Variants in FER1L6 observed in about 807,000 individuals in gnomAD.
FER1L6 encodes the protein fer-1 like family member 6.
In FER1L6, 177 loss-of-function variants were observed where a neutral mutation model predicts 219.2. That is an observed-to-expected ratio of 0.81 (90% CI 0.71 to 0.91). FER1L6 has a LOEUF of 0.91. FER1L6 is among the 40% of genes least tolerant of loss of function. FER1L6 has a pLI of 0.00. For missense variants in FER1L6, 2,153 were observed against 2,259.9 expected (o/e 0.95, Z 0.96); for synonymous variants, 768 against 824.3 (o/e 0.93, Z 1.17).
chr8:123,854,605 C>T lies in FER1L6; in HGVS notation c.-8+2420C>T, dbSNP rs74597976. Among the ~76,000 whole-genome samples the T allele has an allele frequency of 6.4e-3, 978 of 152,220 alleles. 11 individuals carry two copies. Among genetic ancestry groups the T allele is most frequent in the African/African-American group, 0.022 (929 of 41,526 alleles). On this transcript the variant is annotated intron_variant, in intron 1 of 40. Coordinates refer to ENST00000522917, the MANE Select transcript of FER1L6 (RefSeq NM_001039112.2). Reference sequence around the variant, plus strand: ...CAGGAATGTGAATAGAACAGGGGACCGAAGGGTATCTTCTGTCCCTTTATT... The same window carrying T: ...CAGGAATGTGAATAGAACAGGGGACTGAAGGGTATCTTCTGTCCCTTTATT...
intron 31 of FER1L6, among the ~76,000 whole-genome samples, chr8:124,073,749 C>T (rs1821170456): frequency 6.6e-6 from 1 of 152,060 alleles, no homozygotes; most frequent in Admixed American, 6.5e-5. Context: ...ATAAACAGTG[C>T]CATTGCTCTC....
chr8:124,032,448 C>T (rs1264129095), intron 18 of FER1L6, among the ~76,000 whole-genome samples: 1 of 151,406 alleles, frequency 6.6e-6, no homozygotes, highest in Non-Finnish European at 1.5e-5. Context: ...AAACACAGGC[C>T]CAGGCTCTGT....
intron 20 of FER1L6, among the ~76,000 whole-genome samples, chr8:124,043,944 C>T (rs1231635486): frequency 6.6e-6 from 1 of 152,236 alleles, no homozygotes; most frequent in Non-Finnish European, 1.5e-5. Flanking sequence ...ATCTGCTATG[C>T]ACAGAGTGCT....
At chr8:124,103,759 G>A (rs1822646121) in intron 39 of FER1L6, among the ~76,000 whole-genome samples, 1 of 152,204 alleles carries the variant, frequency 6.6e-6, no homozygotes, top group Non-Finnish European at 1.5e-5. Flanking sequence ...TATGTGCTTG[G>A]AGGAATTTTT....
chr8:124,021,429 A>G, intron 16 of FER1L6, 121 bp from the exon 17 acceptor site: 1 of 1,345,190 alleles, frequency 7.4e-7, no homozygotes, highest in South Asian at 1.4e-5. Context: ...AGACCCTGGA[A>G]CAGTCCACGT....
intron 12 of FER1L6, among the ~76,000 whole-genome samples, chr8:124,000,017 G>T (rs1563734519): frequency 1.3e-5 from 2 of 152,198 alleles, no homozygotes; most frequent in Non-Finnish European, 2.9e-5. Context: ...GGACCACAGA[G>T]CACCTCAGCC....
intron 6 of FER1L6, among the ~76,000 whole-genome samples, chr8:123,972,483 C>T (rs1470447345): frequency 6.6e-6 from 1 of 152,160 alleles, no homozygotes; most frequent in East Asian, 1.9e-4. Flanking sequence ...GTATAACTTC[C>T]AACTGGTGCC....
At chr8:123,891,529 A>G (rs1812647828) in intron 1 of FER1L6, among the ~76,000 whole-genome samples, 1 of 152,176 alleles carries the variant, frequency 6.6e-6, no homozygotes, top group African/African-American at 2.4e-5. Context: ...AATGTTAGCA[A>G]TTAGATACAT....
chr8:124,032,428 AAAAG>A (rs540114629), intron 18 of FER1L6, among the ~76,000 whole-genome samples: 105 of 151,790 alleles, frequency 6.9e-4, no homozygotes, highest in African/African-American at 2.3e-3. Flanking sequence ...GTCTCAAAAA[AAAAG>A]AAAAGAAACA....
chr8:123,893,777 A>G (rs1812692894), intron 1 of FER1L6, among the ~76,000 whole-genome samples: 1 of 152,196 alleles, frequency 6.6e-6, no homozygotes, highest in African/African-American at 2.4e-5. Context: ...TTTAGTGTGG[A>G]TAATCAAGCC....
At chr8:124,010,809 T>C (rs1817887040) in intron 14 of FER1L6, 95 bp downstream of exon 14, 9 of 1,488,234 alleles carry the variant, frequency 6.0e-6, no homozygotes, top group Non-Finnish European at 8.2e-6. Context: ...TTGACCTCAG[T>C]TCAAACACAA....
rs35273327 is a variant in FER1L6, at chr8:124,111,860, G to A, written c.5290-6984G>A. On this transcript the variant is annotated intron_variant, in intron 39 of 40. Transcript: ENST00000522917. This position sits in a 1 kb window ranked among gnomAD's most constrained non-coding sequence, Gnocchi z 5.0. ...ACCTCCAATCTCATACTGTGACTTA[G>A]AATGCCTTAACCGTCGGGAATGCAG... Among the ~76,000 whole-genome samples, 2 of 152,088 alleles carry A rather than the reference G, an allele frequency of 1.3e-5. No homozygotes were observed. The highest frequency in any genetic ancestry group is 2.9e-5 in the Non-Finnish European group (2 of 68,028).
At chr8:124,013,137 G>T (rs187139443) in intron 14 of FER1L6, among the ~76,000 whole-genome samples, 1 of 152,010 alleles carries the variant, frequency 6.6e-6, no homozygotes, top group East Asian at 1.9e-4. Flanking sequence ...TTCCCCAGAG[G>T]GTAGATTCTA....
intron 34 of FER1L6, among the ~76,000 whole-genome samples, chr8:124,091,814 A>G (rs1030838514): frequency 6.6e-6 from 1 of 152,002 alleles, no homozygotes; most frequent in African/African-American, 2.4e-5. Flanking sequence ...TAAAAATACA[A>G]AAAGTAGCCA....
intron 22 of FER1L6, among the ~76,000 whole-genome samples, chr8:124,052,457 G>C (rs1189740066): frequency 1.3e-5 from 2 of 152,086 alleles, no homozygotes; most frequent in Non-Finnish European, 2.9e-5. Context: ...TGGAACACCA[G>C]TCCCTCCAAA....
chr8:123,999,404 G>A (rs980597053), intron 12 of FER1L6, among the ~76,000 whole-genome samples: 91 of 152,234 alleles, frequency 6.0e-4, no homozygotes, highest in African/African-American at 2.1e-3. Context: ...CCAGCACTTT[G>A]GAAGGCCAAG....
intron 12 of FER1L6, among the ~76,000 whole-genome samples, chr8:123,995,444 T>C (rs1817086270): frequency 6.6e-6 from 1 of 152,204 alleles, no homozygotes; most frequent in East Asian, 1.9e-4. Flanking sequence ...CTTCTAGGTT[T>C]TCCAATGTAT....
At position 123,853,025 on chromosome 8, in the gene FER1L6, G is replaced by A. The variant is rs760451388; in HGVS notation, c.-8+840G>A. Among the ~76,000 whole-genome samples the A allele has an allele frequency of 6.6e-6, 1 of 152,036 alleles. No homozygotes were observed. Among genetic ancestry groups the A allele is most frequent in the Non-Finnish European group, 1.5e-5 (1 of 68,024 alleles). On this transcript the variant is annotated intron_variant, in intron 1 of 40. Transcript: ENST00000522917. The surrounding 1 kb of genome is among the most constrained non-coding windows in gnomAD (Gnocchi z 6.6). ...TCAGATCAATTTTATTCTTATTTTT[G>A]TAGAGACGGGGCCTCGCTATGTTGC...
At chr8:124,004,690 C>T (rs1478294897) in intron 13 of FER1L6, among the ~76,000 whole-genome samples, 1 of 152,076 alleles carries the variant, frequency 6.6e-6, no homozygotes, top group Non-Finnish European at 1.5e-5. Context: ...GTCCTCCAAG[C>T]CACAGACAAG....
Sources: gnomAD v4.1 joint callset for allele counts (sites outside exome capture counted in the v4.1 genomes callset) on GRCh38, gnomAD v4.1.1 for gene constraint, Gnocchi (gnomAD v3.1) non-coding constraint, MANE v1.5 for transcripts, NCBI Gene and HGNC (gene_info 2026-07-23, HGNC 2026-07-21) for gene names.